The following SYT15B variants were observed in gnomAD, a reference collection of about 807,000 sequenced individuals.
SYT15B encodes synaptotagmin-15.
the SYT15B span, among the ~76,000 whole-genome samples, chr10:47,749,636 G>C: frequency 6.6e-6 from 1 of 150,676 alleles, no homozygotes; most frequent in African/African-American, 2.5e-5. Context: ...AACCACTAAA[G>C]AAATTATAAA....
At chr10:47,750,357 ATTTT>A in the SYT15B span, among the ~76,000 whole-genome samples, 5 of 135,448 alleles carry the variant, frequency 3.7e-5, no homozygotes, top group African/African-American at 1.1e-4. Flanking sequence ...TTATTTACTT[ATTTT>A]ATTTTTTTGT....
At chr10:47,755,401 G>A in the SYT15B span, among the ~76,000 whole-genome samples, 5 of 152,192 alleles carry the variant, frequency 3.3e-5, no homozygotes, top group African/African-American at 4.8e-5. Context: ...GACTACAGGC[G>A]CCAGCCACCA....
At chr10:47,756,494 T>A in the SYT15B span, among the ~76,000 whole-genome samples, 2 of 141,740 alleles carry the variant, frequency 1.4e-5, no homozygotes, top group African/African-American at 5.3e-5. Context: ...TACCAGAGCC[T>A]AGCACCGCAA....
chr10:47,755,286 C>T, the SYT15B span, among the ~76,000 whole-genome samples: 1 of 149,512 alleles, frequency 6.7e-6, no homozygotes, highest in African/African-American at 2.5e-5. Flanking sequence ...GACGAAGTCT[C>T]GCTCTGTTGC....
At chr10:47,747,141 G>A in the SYT15B span, among the ~76,000 whole-genome samples, 5 of 150,338 alleles carry the variant, frequency 3.3e-5, no homozygotes, top group South Asian at 4.3e-4. Flanking sequence ...TTCAGGAAAC[G>A]TGCTGATTTT....
chr10:47,747,351 G>C, the SYT15B span, among the ~76,000 whole-genome samples: 2 of 149,560 alleles, frequency 1.3e-5, no homozygotes, highest in African/African-American at 2.4e-5. Flanking sequence ...AAGCTATGCA[G>C]AAAGGCTATG....
the SYT15B span, among the ~76,000 whole-genome samples, chr10:47,747,913 CAATTAGATTTAGCAGA>C: frequency 2.6e-5 from 4 of 151,626 alleles, no homozygotes; most frequent in Non-Finnish European, 5.9e-5. Context: ...GGGTTAACTA[CAATTAGATTTAGCAGA>C]AGGAACATTC....
chr10:47,761,102 GCACACACACA>G, the SYT15B span, among the ~76,000 whole-genome samples: 1 of 145,494 alleles, frequency 6.9e-6, no homozygotes, highest in African/African-American at 2.6e-5. Flanking sequence ...ACACACACAC[GCACACACACA>G]CACACACACA....
the SYT15B span, among the ~76,000 whole-genome samples, chr10:47,747,710 C>CCA: frequency 1.4e-5 from 2 of 147,384 alleles, no homozygotes; most frequent in African/African-American, 5.0e-5. Context: ...ATCAAACACA[C>CCA]CACAAAACAG....
chr10:47,756,501 G>A, the SYT15B span, among the ~76,000 whole-genome samples: 5 of 140,942 alleles, frequency 3.5e-5, no homozygotes, highest in South Asian at 2.4e-4. Context: ...GCCTAGCACC[G>A]CAAGCCTGTC....
the SYT15B span, among the ~76,000 whole-genome samples, chr10:47,744,909 A>T: frequency 3.5e-4 from 53 of 152,116 alleles, no homozygotes; most frequent in African/African-American, 1.2e-3. Context: ...AGCTATAAAA[A>T]TAGGCTCTGT....
chr10:47,762,296 G>A, the SYT15B span, among the ~76,000 whole-genome samples: 1 of 151,432 alleles, frequency 6.6e-6, no homozygotes, highest in Non-Finnish European at 1.5e-5. Context: ...AGGAGGCTTC[G>A]CCCCGGGGGT....
At chr10:47,763,565 C>T in the SYT15B span, 1 of 561,580 alleles carries the variant, frequency 1.8e-6, no homozygotes, top group Non-Finnish European at 2.2e-6. Context: ...GTACACCCAG[C>T]GCCTATTATT....
At chr10:47,747,023 T>A in the SYT15B span, among the ~76,000 whole-genome samples, 146 of 134,002 alleles carry the variant, frequency 1.1e-3, no homozygotes, top group African/African-American at 2.7e-3. Context: ...AAAACTTTTT[T>A]AAAAAGTTTT....
chr10:47,761,127 C>CAG, the SYT15B span, among the ~76,000 whole-genome samples: 303 of 149,176 alleles, frequency 2.0e-3, no homozygotes, highest in African/African-American at 7.1e-3. Flanking sequence ...CACACACACA[C>CAG]AGCAGTGGGA....
At chr10:47,763,229 T>C in the SYT15B span, 1 of 986,118 alleles carries the variant, frequency 1.0e-6, no homozygotes, top group Non-Finnish European at 1.2e-6. Flanking sequence ...CTGATGGCCT[T>C]GGGCAGGGAT....
the SYT15B span, among the ~76,000 whole-genome samples, chr10:47,761,102 GCACACACACACACACA>G: frequency 1.4e-5 from 2 of 145,492 alleles, no homozygotes; most frequent in African/African-American, 5.1e-5. Flanking sequence ...ACACACACAC[GCACACACACACACACA>G]CACACACACA....
the SYT15B span, among the ~76,000 whole-genome samples, chr10:47,755,555 CTTTTTTTTTTT>C: frequency 8.4e-5 from 7 of 82,988 alleles, no homozygotes; most frequent in Middle Eastern, 0.01. Flanking sequence ...GTGCCCGGCC[CTTTTTTTTTTT>C]TTTTTTTTTT....
At chr10:47,753,100 C>T in the SYT15B span, 1 of 974,082 alleles carries the variant, frequency 1.0e-6, no homozygotes, top group Non-Finnish European at 1.2e-6. Flanking sequence ...AAGAGGGAAA[C>T]TCTGTCTCAA....
Sources: gnomAD v4.1 joint callset for allele counts (sites outside exome capture counted in the v4.1 genomes callset) on GRCh38, gnomAD v4.1.1 for gene constraint, MANE v1.5 for transcripts, NCBI Gene and HGNC (gene_info 2026-07-23, HGNC 2026-07-21) for gene names.